USH2A: variants seen among roughly 807,000 people sequenced by gnomAD.
USH2A encodes the protein Usher syndrome 2A (autosomal recessive, mild).
A neutral mutation model predicts 538.9 loss-of-function variants in USH2A; 443 were observed. The ratio of observed to expected loss-of-function variants is 0.82; its 90% confidence interval spans 0.76 to 0.89. The LOEUF (loss-of-function observed/expected upper bound fraction) is 0.89. Ranked by LOEUF, USH2A falls within the 40% of genes least tolerant of loss-of-function variation. The pLI, the probability that USH2A is intolerant of heterozygous loss-of-function variation, is 0.00. For missense variants in USH2A, 6,633 were observed against 6,324.8 expected (o/e 1.05, Z -1.65); for synonymous variants, 2,413 against 2,273.5 (o/e 1.06, Z -1.75).
chr1:215,733,083 A>G (rs1660052604), intron 60 of USH2A, among the ~76,000 whole-genome samples: 1 of 152,018 alleles, frequency 6.6e-6, no homozygotes, highest in Non-Finnish European at 1.5e-5. Context: ...GCGTACAGAA[A>G]GCATGATGCT....
intron 20 of USH2A, among the ~76,000 whole-genome samples, chr1:216,180,873 C>T (rs1014970907): frequency 6.6e-5 from 10 of 152,130 alleles, no homozygotes; most frequent in East Asian, 1.9e-4. Flanking sequence ...GGCCAGAACA[C>T]TTGCAAAAGG....
intron 37 of USH2A, among the ~76,000 whole-genome samples, chr1:215,956,011 A>G (rs1667056694): frequency 6.6e-6 from 1 of 152,176 alleles, no homozygotes; most frequent in Non-Finnish European, 1.5e-5. Context: ...AGAGAAGGAC[A>G]TTGGCCCCAG....
intron 21 of USH2A, among the ~76,000 whole-genome samples, chr1:216,170,870 A>G (rs1388154645): frequency 6.6e-6 from 1 of 152,004 alleles, no homozygotes; most frequent in Non-Finnish European, 1.5e-5. Flanking sequence ...ATCCCCTTCT[A>G]GTTGCATATG....
At chr1:216,218,416 T>C (rs1425274817) in intron 14 of USH2A, among the ~76,000 whole-genome samples, 2 of 152,112 alleles carry the variant, frequency 1.3e-5, no homozygotes, top group Non-Finnish European at 2.9e-5. Flanking sequence ...AAACAGCACA[T>C]GTAAGAAGAC....
rs1657973895 is a variant in USH2A at position 215,675,152 on chromosome 1, C to T, written c.12759G>A (p.Trp4253Ter). The T allele has an allele frequency of 6.2e-7, 1 of 1,614,054 alleles. No homozygotes were observed. Among genetic ancestry groups the T allele is most frequent in the Non-Finnish European group, 8.5e-7 (1 of 1,179,998 alleles). Residue 4253 changes from tryptophan to a stop codon, truncating the protein, a stop_gained, in exon 63 of 72, where the codon TGG (tryptophan) becomes TGA (stop). Transcript: ENST00000307340. LOFTEE classifies it high-confidence loss of function. ...WNSAGHTCSS[W>*]NVVRTLQAPP... ...GTGCTTGCAATGTCCTCACCACATT[C>T]CAAGAGCTACAGGTATGCCCAGCTG...
At chr1:216,183,818 C>A (rs552944588) in intron 20 of USH2A, among the ~76,000 whole-genome samples, 1 of 152,082 alleles carries the variant, frequency 6.6e-6, no homozygotes, top group African/African-American at 2.4e-5. Context: ...TGCAAATGAA[C>A]TCCTAAATGT....
chr1:215,881,945 C>G (rs552376529), intron 41 of USH2A, among the ~76,000 whole-genome samples: 4 of 152,298 alleles, frequency 2.6e-5, no homozygotes, highest in African/African-American at 9.6e-5. Flanking sequence ...TAAAAAGAAT[C>G]ATGGCACCTT....
At chr1:216,169,753 T>G (rs939859598) in intron 21 of USH2A, among the ~76,000 whole-genome samples, 2 of 152,154 alleles carry the variant, frequency 1.3e-5, no homozygotes, top group African/African-American at 4.8e-5. Context: ...TTTACTTTGC[T>G]GCCACATACC....
rs1446277303 is a variant in USH2A, at chr1:216,072,959, A to G, written c.5787T>C (p.Tyr1929=). Residue 1929 remains tyrosine (Y), a synonymous_variant, in exon 29 of 72, where the codon TAT becomes TAC. Coordinates refer to ENST00000307340, the MANE Select transcript of USH2A (RefSeq NM_206933.4). ...CTCCTTCATGCGAGGCTATCACTCGATACAGGTATTCTTAAATGGAAATAA... is the reference window on the plus strand; with the variant it reads ...CTCCTTCATGCGAGGCTATCACTCGGTACAGGTATTCTTAAATGGAAATAA... ...GGLQPFTEYL[Y]RVIASHEGGS... 1.9e-6 allele frequency: 3 copies of G among 1,613,866 alleles called. No homozygotes were observed. The East Asian group carries it at 6.7e-5, about 36-fold the overall frequency.
chr1:215,970,704 G>C lies in USH2A; in HGVS notation c.6878C>G (p.Ala2293Gly). Reference sequence around the variant, plus strand: ...TAAACTCCAAGGAGCAAATCCGTAAGCACGATAGCTGAGTTCTGAGGAATT... The same window carrying C: ...TAAACTCCAAGGAGCAAATCCGTAACCACGATAGCTGAGTTCTGAGGAATT... ...IHNSSELSYRAYGFAPWSLHS... is the reference protein window; with the variant it reads ...IHNSSELSYRGYGFAPWSLHS... The change falls in exon 36 of 72, where the codon GCT becomes GGT. Residue 2293 changes from alanine (A) to glycine (G), a missense_variant. Transcript: ENST00000307340. 6.2e-7 allele frequency: 1 copy of C among 1,613,540 alleles called. No individual in the cohort carries two copies. Among genetic ancestry groups the C allele is most frequent in the East Asian group, 2.2e-5 (1 of 44,864 alleles).
At position 215,817,018 on chromosome 1, in the gene USH2A, A is replaced by G; in HGVS notation, c.9549T>C (p.Ile3183=). ...TTACCTTAGCTTCAGAAGAATAGCA[A>G]ATGTGTCCACAGATAGATTCAGGTT... The part of the protein sequence containing the change: ...CQKPESICGH[I]CYSSEAKVCC... The change falls in exon 48 of 72, where the codon ATT becomes ATC. Residue 3183 remains isoleucine (I), a synonymous_variant. Transcript: ENST00000307340. 6.2e-7 allele frequency: 1 copy of G among 1,612,562 alleles called. No homozygotes were observed. The highest frequency in any genetic ancestry group is 8.5e-7 in the Non-Finnish European group (1 of 1,178,864).
chr1:216,406,360 T>C (rs1448106749), intron 3 of USH2A, among the ~76,000 whole-genome samples: 1 of 152,162 alleles, frequency 6.6e-6, no homozygotes, highest in East Asian at 1.9e-4. Context: ...GGAAAAAGTT[T>C]AATTAAGAAT....
At chr1:215,721,237 G>T (rs1374932023) in intron 61 of USH2A, among the ~76,000 whole-genome samples, 1 of 152,084 alleles carries the variant, frequency 6.6e-6, no homozygotes, top group East Asian at 1.9e-4. Flanking sequence ...ACCATGCTTG[G>T]CTAATTTTTG....
In USH2A at chr1:216,175,483, C is replaced by T. The variant is rs199982344; in HGVS notation, c.4397-1G>A. On this transcript the variant is annotated splice_acceptor_variant, in intron 20 of 71. Transcript: ENST00000307340. LOFTEE classifies it high-confidence loss of function. ...AGAGGTGGCCTCAGTTGTGCTGGTG[C>T]TAAATATTAGAAAACACCTGTTATA... is the stretch of plus-strand genomic sequence containing the variant. The T allele has an allele frequency of 1.2e-5, 20 of 1,613,568 alleles. No individual in the cohort carries two copies. The African/African-American group carries it at 2.3e-4, about 18-fold the overall frequency.
intron 49 of USH2A, among the ~76,000 whole-genome samples, chr1:215,800,536 G>A (rs1662294048): frequency 6.6e-6 from 1 of 152,140 alleles, no homozygotes; most frequent in Non-Finnish European, 1.5e-5. Flanking sequence ...ATTTAGGACT[G>A]CCTTAGGGAT....
intron 14 of USH2A, among the ~76,000 whole-genome samples, chr1:216,228,728 T>G (rs1281647544): frequency 6.6e-6 from 1 of 152,116 alleles, no homozygotes; most frequent in Non-Finnish European, 1.5e-5. Flanking sequence ...ATCAGCAGCA[T>G]GAAAACGGAC....
At chr1:216,390,239 A>T (rs2039082448) in intron 3 of USH2A, among the ~76,000 whole-genome samples, 1 of 152,208 alleles carries the variant, frequency 6.6e-6, no homozygotes, top group Admixed American at 6.5e-5. Context: ...AGGCTGATGC[A>T]AACAAAACTG....
chr1:216,289,348 TG>T lies in USH2A; in HGVS notation c.1902del (p.Ile635Ter). 1 of 1,614,002 alleles carries T rather than the reference TG, an allele frequency of 6.2e-7. No homozygotes were observed. Among genetic ancestry groups the T allele is most frequent in the Non-Finnish European group, 8.5e-7 (1 of 1,179,890 alleles). ...CAGTCACAGGGTTTGCAAACATCTA[TG>T]GCCGAAGGATCTGCACCAACTTGTC... ...FFRQVGADPS[A>X]IDVCKPCDCD... On this transcript the variant is annotated frameshift_variant, in exon 11 of 72. Coordinates refer to ENST00000307340, the MANE Select transcript of USH2A (RefSeq NM_206933.4). LOFTEE classifies it high-confidence loss of function.
chr1:215,836,335 T>G (rs1160009606), intron 47 of USH2A, among the ~76,000 whole-genome samples: 1 of 147,520 alleles, frequency 6.8e-6, no homozygotes, highest in Non-Finnish European at 1.5e-5. Context: ...TTATAGTGTT[T>G]TTTACATTGT....
Sources: gnomAD v4.1 joint callset for allele counts (sites outside exome capture counted in the v4.1 genomes callset) on GRCh38, gnomAD v4.1.1 for gene constraint, MANE v1.5 for transcripts, NCBI Gene and HGNC (gene_info 2026-07-23, HGNC 2026-07-21) for gene names.